Variants in METTL15 observed in about 807,000 individuals in gnomAD.
The protein encoded by METTL15 is methyltransferase 15, mitochondrial 12S rRNA N4-cytidine.
A neutral mutation model predicts 38.3 loss-of-function variants in METTL15; 34 were observed. The ratio of observed to expected loss-of-function variants is 0.89; its 90% CI spans 0.68 to 1.18. The LOEUF (loss-of-function observed/expected upper bound fraction) is 1.18. METTL15 is among the 50% of genes most tolerant of loss of function. The probability of loss-of-function intolerance (pLI) is 0.00; values close to 1 mark genes in which losing one functional copy is unlikely to be tolerated. For synonymous variants in METTL15, 162 were observed against 170.9 expected (o/e 0.95, Z 0.41); for missense variants, 438 against 498.4 (o/e 0.88, Z 1.15).
intron 5 of METTL15, among the ~76,000 whole-genome samples, chr11:28,382,423 G>C (rs1850397537): frequency 6.6e-6 from 1 of 152,084 alleles, no homozygotes; most frequent in South Asian, 2.1e-4. Flanking sequence ...AACCCAAAAT[G>C]GCTAGGAAGA....
At chr11:28,273,076 G>C (rs1484470082) in intron 4 of METTL15, among the ~76,000 whole-genome samples, 1 of 152,108 alleles carries the variant, frequency 6.6e-6, no homozygotes, top group African/African-American at 2.4e-5. Flanking sequence ...GATCATCTCT[G>C]TTAAAATATT....
chr11:28,479,549 AGGTTTT>A (rs1364202172), intron 6 of METTL15, among the ~76,000 whole-genome samples: 2 of 152,214 alleles, frequency 1.3e-5, no homozygotes, highest in Non-Finnish European at 1.5e-5. Context: ...TGCATACAAA[AGGTTTT>A]GTAGTAATCC....
intron 3 of METTL15, among the ~76,000 whole-genome samples, chr11:28,136,196 G>A (rs1849508058): frequency 6.6e-6 from 1 of 152,158 alleles, no homozygotes; most frequent in South Asian, 2.1e-4. Context: ...TGGTTTGGCT[G>A]TGTCCCCACC....
intron 4 of METTL15, among the ~76,000 whole-genome samples, chr11:28,357,483 G>T (rs932685078): frequency 1.3e-5 from 2 of 152,168 alleles, no homozygotes; most frequent in Admixed American, 1.3e-4. Flanking sequence ...GTAGACTTTG[G>T]TTTATATCCC....
chr11:28,329,426 C>T (rs1056780586), intron 6 of METTL15, among the ~76,000 whole-genome samples: 2 of 151,992 alleles, frequency 1.3e-5, no homozygotes, highest in Non-Finnish European at 2.9e-5. Context: ...ATTATTTGGG[C>T]TGTTCTAGGT....
chr11:28,312,184 C>G (rs1857327483), intron 6 of METTL15, among the ~76,000 whole-genome samples: 1 of 152,166 alleles, frequency 6.6e-6, no homozygotes, highest in Non-Finnish European at 1.5e-5. Context: ...AAGCTGTAAG[C>G]TTGGAATTTG....
At chr11:28,233,948 T>A (rs1351091712) in intron 4 of METTL15, among the ~76,000 whole-genome samples, 1 of 133,806 alleles carries the variant, frequency 7.5e-6, no homozygotes, top group Non-Finnish European at 1.6e-5. Flanking sequence ...ATGCTATCCC[T>A]CCCCCCTCCC....
At chr11:28,447,089 C>T (rs917360184) in intron 6 of METTL15, among the ~76,000 whole-genome samples, 3 of 152,068 alleles carry the variant, frequency 2.0e-5, no homozygotes, top group Non-Finnish European at 4.4e-5. Context: ...CACCACTCAC[C>T]TCTTTAATGT....
At chr11:28,445,542 C>A (rs1157462878) in intron 6 of METTL15, among the ~76,000 whole-genome samples, 1 of 152,086 alleles carries the variant, frequency 6.6e-6, no homozygotes, top group African/African-American at 2.4e-5. Flanking sequence ...TTGGATTGTG[C>A]AGGGTATTTA....
At chr11:28,473,701 T>A (rs572178608) in intron 6 of METTL15, among the ~76,000 whole-genome samples, 1 of 152,242 alleles carries the variant, frequency 6.6e-6, no homozygotes, top group South Asian at 2.1e-4. Flanking sequence ...CCGCAGGAGA[T>A]AAAGAATGGC....
rs141186017 is a variant in METTL15, at chr11:28,112,980, C to G, written c.-17-338C>G. The stretch of plus-strand genomic sequence containing the variant: ...TAATTCATTGAATCTACTTTTTAGC[C>G]TTAATTAAAATTCAAAAAAGTATGT... On this transcript the variant is annotated intron_variant, in intron 2 of 6. Coordinates refer to ENST00000407364, the MANE Select transcript of METTL15 (RefSeq NM_001113528.2). 4.4e-3 allele frequency among the ~76,000 whole-genome samples: 666 copies of G among 152,062 alleles called. 8 individuals are homozygous for G. The highest frequency in any genetic ancestry group is 0.014 in the African/African-American group (596 of 41,492).
intron 3 of METTL15, among the ~76,000 whole-genome samples, chr11:28,132,615 C>A (rs1340809355): frequency 6.6e-6 from 1 of 152,052 alleles, no homozygotes; most frequent in Non-Finnish European, 1.5e-5. Context: ...TTTTCATAAA[C>A]TATAACTGAG....
intron 4 of METTL15, among the ~76,000 whole-genome samples, chr11:28,274,846 T>G (rs1855780209): frequency 6.7e-6 from 1 of 149,284 alleles, no homozygotes; most frequent in South Asian, 2.2e-4. Flanking sequence ...AATGACGAGT[T>G]AATGGGTGCA....
At chr11:28,483,633 A>C (rs1590390649) in intron 6 of METTL15, among the ~76,000 whole-genome samples, 1 of 151,990 alleles carries the variant, frequency 6.6e-6, no homozygotes, top group Non-Finnish European at 1.5e-5. Flanking sequence ...CAACTAATCA[A>C]CTCTGCCACT....
intron 6 of METTL15, among the ~76,000 whole-genome samples, chr11:28,447,595 G>A (rs1191721359): frequency 6.6e-6 from 1 of 151,602 alleles, no homozygotes; most frequent in Non-Finnish European, 1.5e-5. Flanking sequence ...ATTATTTTGT[G>A]ATCTACCTTG....
intron 3 of METTL15, among the ~76,000 whole-genome samples, chr11:28,350,202 A>T (rs1020492163): frequency 6.6e-6 from 1 of 152,190 alleles, no homozygotes; most frequent in Non-Finnish European, 1.5e-5. Context: ...CCATAATCTG[A>T]TCCATGGGAA....
intron 4 of METTL15, among the ~76,000 whole-genome samples, chr11:28,269,052 G>A (rs947297949): frequency 1.6e-4 from 25 of 152,142 alleles, no homozygotes; most frequent in Admixed American, 1.0e-3. Context: ...GTTGCATAGC[G>A]ACAATATGTT....
intron 3 of METTL15, among the ~76,000 whole-genome samples, chr11:28,198,976 T>G (rs1590144431): frequency 8.5e-6 from 1 of 117,996 alleles, no homozygotes; most frequent in Admixed American, 1.1e-4. Context: ...TGAACTCTTT[T>G]TAGTGATTTT....
At chr11:28,390,711 G>C (rs572975243) in intron 5 of METTL15, among the ~76,000 whole-genome samples, 1 of 152,178 alleles carries the variant, frequency 6.6e-6, no homozygotes, top group Admixed American at 6.5e-5. Context: ...TGGCAATGCG[G>C]ACTCTTTTTT....
Sources: allele counts gnomAD v4.1 joint callset (sites outside exome capture counted in the v4.1 genomes callset), GRCh38; gene constraint gnomAD v4.1.1; transcripts MANE v1.5; gene names NCBI Gene and HGNC (gene_info 2026-07-23, HGNC 2026-07-21).